Variants in RPS10 observed in about 807,000 individuals in gnomAD.
RPS10 encodes the protein ribosomal protein S10.
Under a neutral mutation model 22.6 loss-of-function variants are expected in RPS10, and 2 were observed. That is an observed-to-expected ratio of 0.09 (90% CI 0.04 to 0.28). The LOEUF is 0.28. Among genes scored for constraint, RPS10 ranks in the 10% least tolerant of loss-of-function variants. The pLI, the probability that RPS10 is intolerant of heterozygous loss-of-function variation, is 1.00. For synonymous variants in RPS10, 70 were observed against 75.9 expected (o/e 0.92, Z 0.40); for missense variants, 137 against 222.2 (o/e 0.62, Z 2.44).
intron 5 of RPS10, 51 bp downstream of exon 5, chr6:34,418,318 T>C (rs969196290): frequency 2.5e-6 from 4 of 1,613,734 alleles, no homozygotes; most frequent in Non-Finnish European, 3.4e-6. Flanking sequence ...GCAACCAGAC[T>C]GAGGCCAGAA....
intron 4 of RPS10, 90 bp downstream of exon 4, chr6:34,421,640 C>T: frequency 2.1e-6 from 3 of 1,452,478 alleles, no homozygotes; most frequent in South Asian, 1.1e-5. Flanking sequence ...TTGTCATCAT[C>T]AAGGGCTGAG....
intron 3 of RPS10, among the ~76,000 whole-genome samples, chr6:34,423,427 C>A (rs534799691): frequency 6.6e-6 from 1 of 152,320 alleles, no homozygotes; most frequent in East Asian, 1.9e-4. Context: ...TCACTGCACT[C>A]AGGCAGAATG....
At position 34,417,526 on chromosome 6, in the gene RPS10, G is replaced by A. The variant is rs1208719728; in HGVS notation, c.478C>T (p.Arg160Cys). 6.2e-7 allele frequency: 1 copy of A among 1,612,910 alleles called. No individual in the cohort carries two copies. Among genetic ancestry groups the A allele is most frequent in the Non-Finnish European group, 8.5e-7 (1 of 1,179,916 alleles). ...FQFRGGFGRG[R>C]GQPPQ ...CAATTTTACTGAGGTGGCTGACCAC[G>A]TCCACGACCAAATCCGCCTCTCTGT... Residue 160 changes from arginine to cysteine, a missense_variant, in exon 6 of 6, where the codon CGT (arginine) becomes TGT (cysteine). By Grantham distance (180) the Arg-to-Cys change is radical (BLOSUM62 -3). Transcript: ENST00000648437.
intron 4 of RPS10, 71 bp from the exon 5 acceptor site, chr6:34,418,495 A>T (rs1172939509): frequency 6.2e-7 from 1 of 1,607,024 alleles, no homozygotes; most frequent in Non-Finnish European, 8.5e-7. Flanking sequence ...AAGACAACTC[A>T]CTGACTCCAA....
intron 3 of RPS10, chr6:34,424,160 A>AAAAAAAAAAAAAAAAAAAC (rs1561939859): frequency 2.0e-5 from 3 of 150,924 alleles, no homozygotes; most frequent in Non-Finnish European, 2.9e-5. Context: ...AAAAAAAAAA[A>AAAAAAAAAAAAAAAAAAAC]AAAAGCAACT....
chr6:34,425,011 C>T (rs1043519205), intron 2 of RPS10, 61 bp downstream of exon 2: 2 of 1,611,266 alleles, frequency 1.2e-6, no homozygotes, highest in African/African-American at 2.7e-5. Flanking sequence ...CCATTCCATC[C>T]CATCCCGGGA....
At chr6:34,423,833 C>T (rs1447333687) in intron 3 of RPS10, among the ~76,000 whole-genome samples, 6 of 152,060 alleles carry the variant, frequency 3.9e-5, no homozygotes, top group African/African-American at 1.5e-4. Context: ...AAGCTGAGAT[C>T]GCACCACTGC....
At chr6:34,421,858 C>T in intron 3 of RPS10, 51 bp from the exon 4 acceptor site, 2 of 1,608,962 alleles carry the variant, frequency 1.2e-6, no homozygotes, top group Admixed American at 1.7e-5. Context: ...AGAACTCTGT[C>T]CCTTAAAGCC....
chr6:34,424,544 T>C, intron 3 of RPS10, 125 bp downstream of exon 3: 3 of 1,325,270 alleles, frequency 2.3e-6, no homozygotes, highest in East Asian at 2.5e-5. Flanking sequence ...ACAAAGGTTC[T>C]AGCACTTGAC....
At chr6:34,422,585 G>C (rs1181039606) in intron 3 of RPS10, among the ~76,000 whole-genome samples, 1 of 152,110 alleles carries the variant, frequency 6.6e-6, no homozygotes, top group Admixed American at 6.6e-5. Context: ...AAAGTGATGG[G>C]ATTATAGGCA....
intron 1 of RPS10, 190 bp from the exon 2 acceptor site, chr6:34,425,411 G>A (rs1001741996): frequency 1.9e-5 from 13 of 685,364 alleles, no homozygotes; most frequent in African/African-American, 3.6e-5. Flanking sequence ...AATTCAGGTG[G>A]AAAAGTTGAC....
In RPS10 at chr6:34,417,581, G is replaced by A. The variant is rs374706146; in HGVS notation, c.457-34C>T. Reference sequence around the variant, plus strand: ...GAAAGCACATCACATCAGCATGAGCGGCACTCTGGTTTGATCTTTGGAGGT... The same window carrying A: ...GAAAGCACATCACATCAGCATGAGCAGCACTCTGGTTTGATCTTTGGAGGT... On this transcript the variant is annotated intron_variant, in intron 5 of 5. Coordinates refer to ENST00000648437, the MANE Select transcript of RPS10 (RefSeq NM_001014.5). 4.4e-5 allele frequency: 71 copies of A among 1,611,670 alleles called. 1 individual carries two copies. Among genetic ancestry groups the A allele is most frequent in the Non-Finnish European group, 5.1e-5 (60 of 1,178,290 alleles).
intron 4 of RPS10, among the ~76,000 whole-genome samples, chr6:34,418,990 T>C (rs1225490170): frequency 6.6e-5 from 10 of 151,938 alleles, no homozygotes; most frequent in Admixed American, 3.3e-4. Flanking sequence ...TCCTCCCACC[T>C]CAGGTGGGAC....
intron 5 of RPS10, chr6:34,417,909 C>CA (rs1561936403): frequency 1.4e-6 from 1 of 718,420 alleles, no homozygotes; most frequent in Non-Finnish European, 2.6e-6. Flanking sequence ...TGCCATAGGA[C>CA]AAAAATGATA....
In RPS10 at chr6:34,425,231, G is replaced by A; in HGVS notation, c.1-10C>T. 7 of 1,601,956 alleles carry A rather than the reference G, an allele frequency of 4.4e-6. No homozygotes were observed. Among genetic ancestry groups the A allele is most frequent in the South Asian group, 1.1e-5 (1 of 89,630 alleles). On this transcript the variant is annotated splice_polypyrimidine_tract_variant and intron_variant, in intron 1 of 5. Coordinates refer to ENST00000648437, the MANE Select transcript of RPS10 (RefSeq NM_001014.5). ...TCTTAGGCATCAACATCTGCAAGAA[G>A]GAGACGATTGTCAAGAGCACTTCTG...
At chr6:34,417,872 TGA>T (rs1437134959) in intron 5 of RPS10, 1 of 718,218 alleles carries the variant, frequency 1.4e-6, no homozygotes, top group South Asian at 1.5e-5. Context: ...TGACATTATC[TGA>T]GAGCAATCGT....
chr6:34,424,434 G>A (rs780502398), intron 3 of RPS10: 1 of 550,892 alleles, frequency 1.8e-6, no homozygotes, highest in South Asian at 2.0e-5. Context: ...TGTTTGTACA[G>A]GTGTGGGTGA....
intron 3 of RPS10, among the ~76,000 whole-genome samples, chr6:34,422,505 G>A (rs377719268): frequency 6.6e-6 from 1 of 152,204 alleles, no homozygotes. Flanking sequence ...AGTAGAAAGG[G>A]GGTTTCAACC....
intron 4 of RPS10, 115 bp downstream of exon 4, chr6:34,421,615 T>C (rs1459892473): frequency 1.7e-6 from 2 of 1,177,908 alleles, no homozygotes; most frequent in Non-Finnish European, 2.5e-6. Context: ...AAACCAAGAA[T>C]CTTTCCTGGT....
Sources: gnomAD v4.1 joint callset for allele counts (sites outside exome capture counted in the v4.1 genomes callset) on GRCh38, gnomAD v4.1.1 for gene constraint, MANE v1.5 for transcripts, NCBI Gene and HGNC (gene_info 2026-07-23, HGNC 2026-07-21) for gene names.